CNIH3: variants seen among roughly 807,000 people sequenced by gnomAD.
The protein encoded by CNIH3 is protein cornichon homolog 3.
In CNIH3, 14 loss-of-function variants were observed where a neutral mutation model predicts 24.1. The ratio of observed to expected loss-of-function variants is 0.58; its 90% CI spans 0.38 to 0.91. The LOEUF (loss-of-function observed/expected upper bound fraction) is 0.91. CNIH3 is among the 40% of genes least tolerant of loss of function. CNIH3 has a pLI of 0.00. For missense variants in CNIH3, 178 were observed against 196.8 expected, an observed-to-expected ratio of 0.90 and a Z score of 0.57; for synonymous variants, 68 against 73.8, an observed-to-expected ratio of 0.92 and a Z score of 0.40.
chr1:224,605,035 G>A (rs1163911688), intron 3 of CNIH3, among the ~76,000 whole-genome samples: 2 of 152,056 alleles, frequency 1.3e-5, no homozygotes, highest in Non-Finnish European at 2.9e-5. Context: ...CTTGTGAGTA[G>A]GCAAAAAAGG....
intron 1 of CNIH3, among the ~76,000 whole-genome samples, chr1:224,505,513 G>A (rs956773079): frequency 2.0e-5 from 3 of 151,922 alleles, no homozygotes; most frequent in African/African-American, 2.4e-5. Context: ...ACTTATTTTT[G>A]CATCATGCTG....
chr1:224,474,313 G>A (rs1284970736), intron 1 of CNIH3, among the ~76,000 whole-genome samples: 4 of 150,816 alleles, frequency 2.7e-5, no homozygotes, highest in East Asian at 2.0e-4. Flanking sequence ...GCGGTGAGCC[G>A]AGATTGTGCC....
At chr1:224,663,548 A>T (rs1475001599) in intron 1 of CNIH3, among the ~76,000 whole-genome samples, 1 of 152,160 alleles carries the variant, frequency 6.6e-6, no homozygotes, top group Non-Finnish European at 1.5e-5. Flanking sequence ...CCCACAAAAC[A>T]TACTTGTCCA....
chr1:224,585,601 C>T (rs1244101810), intron 5 of CNIH3, among the ~76,000 whole-genome samples: 1 of 151,978 alleles, frequency 6.6e-6, no homozygotes, highest in Non-Finnish European at 1.5e-5. Context: ...GCCTCAACCT[C>T]CCAAGTAGCC....
intron 1 of CNIH3, among the ~76,000 whole-genome samples, chr1:224,481,514 G>A (rs1194137900): frequency 6.6e-6 from 1 of 152,182 alleles, no homozygotes; most frequent in Non-Finnish European, 1.5e-5. Flanking sequence ...GACTCATAGA[G>A]GTATAACCTT....
intron 1 of CNIH3, chr1:224,459,188 A>G (rs1450758991): frequency 1.1e-6 from 1 of 890,366 alleles, no homozygotes; most frequent in Non-Finnish European, 1.3e-6. Context: ...TCTTCCTTCT[A>G]CTGCTTAGAT....
At chr1:224,588,194 T>G (rs1334215253) in intron 5 of CNIH3, among the ~76,000 whole-genome samples, 2 of 152,134 alleles carry the variant, frequency 1.3e-5, no homozygotes, top group East Asian at 3.9e-4. Flanking sequence ...TTGACATATA[T>G]TTGGATATCT....
chr1:224,642,709 T>C (rs1167715468), intron 1 of CNIH3, among the ~76,000 whole-genome samples: 1 of 152,178 alleles, frequency 6.6e-6, no homozygotes. Flanking sequence ...TAGGTAGAGA[T>C]TTTATTTTAT....
intron 1 of CNIH3, among the ~76,000 whole-genome samples, chr1:224,466,418 C>G (rs992287827): frequency 6.6e-6 from 1 of 152,168 alleles, no homozygotes; most frequent in African/African-American, 2.4e-5. Context: ...CAGCCAAGGC[C>G]TAATTCTATC....
intron 1 of CNIH3, among the ~76,000 whole-genome samples, chr1:224,666,751 G>C (rs1289935276): frequency 6.6e-6 from 1 of 152,186 alleles, no homozygotes; most frequent in Non-Finnish European, 1.5e-5. Context: ...TCCACATTTG[G>C]TTTTGAGAAC....
At chr1:224,492,439 AG>A (rs745615480) in intron 1 of CNIH3, among the ~76,000 whole-genome samples, 4 of 152,226 alleles carry the variant, frequency 2.6e-5, no homozygotes, top group Non-Finnish European at 5.9e-5. Context: ...TACAGGAAAG[AG>A]GATGGATTTT....
At chr1:224,542,792 T>G (rs1679563212) in intron 2 of CNIH3, among the ~76,000 whole-genome samples, 1 of 152,184 alleles carries the variant, frequency 6.6e-6, no homozygotes, top group Admixed American at 6.5e-5. Context: ...CCCCTCCGTA[T>G]AGTAGCTGCA....
At chr1:224,635,672 T>C (rs1170359820) in intron 1 of CNIH3, among the ~76,000 whole-genome samples, 11 of 152,226 alleles carry the variant, frequency 7.2e-5, no homozygotes, top group African/African-American at 2.4e-4. Context: ...GACCTACTTC[T>C]TAGCTTAGTC....
chr1:224,482,251 C>G (rs557690220), intron 1 of CNIH3, among the ~76,000 whole-genome samples: 1 of 152,110 alleles, frequency 6.6e-6, no homozygotes, highest in Non-Finnish European at 1.5e-5. Flanking sequence ...AAGCTGGTAC[C>G]TAAGCTCCAG....
chr1:224,504,390 C>G (rs1677809714), intron 1 of CNIH3, among the ~76,000 whole-genome samples: 1 of 152,194 alleles, frequency 6.6e-6, no homozygotes, highest in Non-Finnish European at 1.5e-5. Context: ...GGACATTATT[C>G]TTATGCAGAC....
chr1:224,579,300 A>G (rs2125011868), intron 4 of CNIH3, among the ~76,000 whole-genome samples: 1 of 152,272 alleles, frequency 6.6e-6, no homozygotes, highest in African/African-American at 2.4e-5. Context: ...TTTTCCTCAA[A>G]TGCCGCAATG....
At chr1:224,551,284 G>A (rs537463600) in intron 3 of CNIH3, among the ~76,000 whole-genome samples, 2 of 152,096 alleles carry the variant, frequency 1.3e-5, no homozygotes, top group East Asian at 1.9e-4. Flanking sequence ...TGTTTATTGC[G>A]GCATGATTCA....
chr1:224,730,287 G>C, intron 3 of CNIH3, 175 bp from the exon 4 acceptor site: 1 of 564,192 alleles, frequency 1.8e-6, no homozygotes. Context: ...GCCATAAAAA[G>C]AAGAACTTAC....
In CNIH3 at chr1:224,678,710, A is replaced by G. The variant is rs187971421; in HGVS notation, c.82-2248A>G. On this transcript the variant is annotated intron_variant, in intron 1 of 5. Transcript: ENST00000272133. ...CTTTCTGTGGTGATGGGGATGTTTT[A>G]TATCTGTGCTGTGTAATAGCTACTA... is the stretch of plus-strand genomic sequence containing the variant. Among the ~76,000 whole-genome samples the G allele has an allele frequency of 2.0e-4, 31 of 152,022 alleles. No homozygotes were observed. In the East Asian group the frequency reaches 2.9e-3, roughly 14 times the overall value.
Sources: allele counts gnomAD v4.1 joint callset (sites outside exome capture counted in the v4.1 genomes callset), GRCh38; gene constraint gnomAD v4.1.1; transcripts MANE v1.5; gene names NCBI Gene and HGNC (gene_info 2026-07-23, HGNC 2026-07-21).